Variants in SPATA9 observed in about 807,000 individuals in gnomAD.
SPATA9 encodes spermatogenesis associated 9.
A neutral mutation model predicts 25.5 loss-of-function variants in SPATA9; 27 were observed. The ratio of observed to expected loss-of-function variants is 1.06; its 90% confidence interval spans 0.78 to 1.46. SPATA9 has a LOEUF of 1.46. SPATA9 is among the 40% of genes most tolerant of loss of function. The pLI is 0.00. For missense variants in SPATA9, 282 were observed against 297.5 expected, an observed-to-expected ratio of 0.95 and a Z score of 0.38; for synonymous variants, 102 against 105.7, an observed-to-expected ratio of 0.97 and a Z score of 0.21.
rs141014929 is a variant in SPATA9 at position 95,658,808 on chromosome 5, A to G, written c.580T>C (p.Ser194Pro). 2.1e-4 allele frequency: 344 copies of G among 1,614,000 alleles called. 1 individual carries two copies. Among genetic ancestry groups the G allele is most frequent in the Non-Finnish European group, 1.8e-4 (209 of 1,179,932 alleles). The change falls in exon 5 of 5, where the codon TCT becomes CCT. Residue 194 changes from serine (S) to proline (P), a missense_variant. Coordinates refer to ENST00000274432, the MANE Select transcript of SPATA9 (RefSeq NM_031952.4). ...ATAGGCTCCGAAAGCACAGGCTCAG[A>G]AAAGGCTTTTCTACAATTTTCACTC... ...EESENCRKAF[S>P]EPVLSEPMFA...
chr5:95,654,270 A>G, downstream of SPATA9: 1 of 1,609,162 alleles, frequency 6.2e-7, no homozygotes, highest in Non-Finnish European at 8.5e-7. Context: ...AAAACTTTAA[A>G]CCATGAAACT....
At chr5:95,731,018 C>A in the SPATA9 span, 4 of 854,894 alleles carry the variant, frequency 4.7e-6, no homozygotes, top group Non-Finnish European at 6.5e-6. Context: ...GGGGCCCCAT[C>A]GCCCCACCCC....
At chr5:95,679,249 T>A (rs1455863134) in intron 2 of SPATA9, among the ~76,000 whole-genome samples, 1 of 152,198 alleles carries the variant, frequency 6.6e-6, no homozygotes, top group African/African-American at 2.4e-5. Context: ...TCTGGCTTCC[T>A]AGGATTCACC....
At chr5:95,665,039 A>C (rs1751639896) in intron 3 of SPATA9, among the ~76,000 whole-genome samples, 1 of 152,208 alleles carries the variant, frequency 6.6e-6, no homozygotes, top group East Asian at 1.9e-4. Flanking sequence ...TATATTATGC[A>C]ATCTTTTTAT....
At chr5:95,706,484 C>T in the SPATA9 span, among the ~76,000 whole-genome samples, 6 of 151,710 alleles carry the variant, frequency 4.0e-5, no homozygotes, top group Non-Finnish European at 7.4e-5. Flanking sequence ...CTGAGGCCTC[C>T]CCAGAAGCAG....
intron 1 of SPATA9, among the ~76,000 whole-genome samples, chr5:95,695,250 T>C (rs953643566): frequency 1.3e-5 from 2 of 152,220 alleles, no homozygotes; most frequent in Non-Finnish European, 2.9e-5. Context: ...AGCTTTACCA[T>C]GTCAAGTCAA....
In SPATA9 at chr5:95,682,541, G is replaced by A; in HGVS notation, c.137C>T (p.Ser46Leu). Residue 46 changes from serine to leucine, a missense_variant, in exon 2 of 5, where the codon TCA (serine) becomes TTA (leucine). Coordinates refer to ENST00000274432, the MANE Select transcript of SPATA9 (RefSeq NM_031952.4). ...KDEFPTILRL[S>L]QSNQKREPAQ... ...AAATCACATTACCTGATTAGACTGT[G>A]ATAATCTTAGGATGGTGGGAAATTC... 1 of 1,608,364 alleles carries A rather than the reference G, an allele frequency of 6.2e-7. No homozygotes were observed.
the SPATA9 span, chr5:95,708,823 A>G: frequency 0.23 from 129,207 of 570,612 alleles, 16,036 homozygotes; most frequent in East Asian, 0.47. Context: ...AGTAGTGTTG[A>G]CGAATACACG....
exon 9 of SPATA9, chr5:95,653,171 C>A: frequency 6.4e-7 from 1 of 1,551,702 alleles, no homozygotes; most frequent in Non-Finnish European, 8.7e-7. Context: ...GCATTTTGGG[C>A]ATTTCAGCTC....
intron 1 of SPATA9, among the ~76,000 whole-genome samples, chr5:95,696,112 C>T (rs1283185950): frequency 1.3e-5 from 2 of 152,184 alleles, no homozygotes; most frequent in African/African-American, 4.8e-5. Context: ...CTTAAGATGA[C>T]TGTCACCCCA....
intron 3 of SPATA9, among the ~76,000 whole-genome samples, chr5:95,666,005 G>A (rs963444695): frequency 2.6e-5 from 4 of 152,078 alleles, no homozygotes; most frequent in South Asian, 2.1e-4. Flanking sequence ...TGAAGAACAC[G>A]TGATAACTTT....
upstream of SPATA9, among the ~76,000 whole-genome samples, chr5:95,686,071 C>A (rs1753737835): frequency 6.6e-6 from 1 of 152,160 alleles, no homozygotes; most frequent in Admixed American, 6.5e-5. Flanking sequence ...TGATCTCTCT[C>A]AGGTGATCCA....
At chr5:95,725,808 C>CTT in the SPATA9 span, among the ~76,000 whole-genome samples, 24 of 139,830 alleles carry the variant, frequency 1.7e-4, no homozygotes, top group Admixed American at 8.5e-4. Flanking sequence ...TGGAATTCTT[C>CTT]TTTTTTTTTT....
At chr5:95,714,586 T>A in the SPATA9 span, among the ~76,000 whole-genome samples, 2 of 151,746 alleles carry the variant, frequency 1.3e-5, no homozygotes, top group Non-Finnish European at 2.9e-5. Context: ...GTGACCGGAG[T>A]GGTGGAGGAA....
In SPATA9 at chr5:95,675,415, A is replaced by C. The variant is rs2112643639; in HGVS notation, c.375T>G (p.Ile125Met). ...TGCATATGCAGTATTCCCTTACCTG[A>C]ATGTTATATAGGGGTTGCCTCGGCG... ...VNAPRQPLYN[I>M]QVRKGSLFEI... The change falls in exon 3 of 5, where the codon ATT (isoleucine) becomes ATG (methionine). Residue 125 changes from isoleucine to methionine, a missense_variant. By Grantham distance (10) the Ile-to-Met change is conservative. Transcript: ENST00000274432. 6.2e-7 allele frequency: 1 copy of C among 1,611,016 alleles called. No homozygotes were observed. Among genetic ancestry groups the C allele is most frequent in the Non-Finnish European group, 8.5e-7 (1 of 1,178,270 alleles).
chr5:95,712,907 T>A, the SPATA9 span, among the ~76,000 whole-genome samples: 24 of 152,310 alleles, frequency 1.6e-4, no homozygotes, highest in African/African-American at 2.4e-4. Context: ...TTGCTTTTTT[T>A]ATCAATGTTT....
chr5:95,710,092 T>C, the SPATA9 span, among the ~76,000 whole-genome samples: 2 of 152,058 alleles, frequency 1.3e-5, no homozygotes, highest in Admixed American at 1.3e-4. Context: ...TGCGCTGAGG[T>C]GTTTGCTTGT....
chr5:95,681,277 G>A (rs895731238), intron 2 of SPATA9, among the ~76,000 whole-genome samples: 1 of 151,992 alleles, frequency 6.6e-6, no homozygotes, highest in African/African-American at 2.4e-5. Flanking sequence ...TATCCTACAT[G>A]CCTGTAATTT....
upstream of SPATA9, among the ~76,000 whole-genome samples, chr5:95,701,748 C>G (rs1320265437): frequency 6.6e-6 from 1 of 151,966 alleles, no homozygotes; most frequent in East Asian, 1.9e-4. Context: ...AGTGTCAGAA[C>G]AAATATTTGC....
Sources: allele counts gnomAD v4.1 joint callset (sites outside exome capture counted in the v4.1 genomes callset), GRCh38; gene constraint gnomAD v4.1.1; transcripts MANE v1.5; gene names NCBI Gene and HGNC (gene_info 2026-07-23, HGNC 2026-07-21).